TNIK: variants seen among roughly 807,000 people sequenced by gnomAD.
TNIK encodes the protein TRAF2 and NCK interacting kinase.
A neutral mutation model predicts 191.3 loss-of-function variants in TNIK; 49 were observed. The ratio of observed to expected loss-of-function variants is 0.26; its 90% CI spans 0.20 to 0.32. The LOEUF is 0.32. TNIK is among the 10% of genes least tolerant of loss of function. The pLI is 1.00. For synonymous variants in TNIK, 594 were observed against 600.9 expected, an observed-to-expected ratio of 0.99 and a Z score of 0.17; for missense variants, 1,155 against 1,702.3, an observed-to-expected ratio of 0.68 and a Z score of 5.66.
intron 18 of TNIK, among the ~76,000 whole-genome samples, chr3:171,119,210 C>T (rs1005424757): frequency 2.0e-5 from 3 of 152,174 alleles, no homozygotes; most frequent in African/African-American, 7.2e-5. Flanking sequence ...CATCACTGGC[C>T]ATCAGAGAAA....
At chr3:171,330,805 A>G (rs1432593393) in intron 2 of TNIK, among the ~76,000 whole-genome samples, 2 of 152,058 alleles carry the variant, frequency 1.3e-5, no homozygotes, top group East Asian at 3.9e-4. Context: ...ATTGTAGCAA[A>G]CCAATTTGTC....
In TNIK at chr3:171,128,887, CAAAAAAAAA is replaced by C. The variant is rs59293515; in HGVS notation, c.1609-18_1609-10del. 8 of 1,245,184 alleles carry C rather than the reference CAAAAAAAAA, an allele frequency of 6.4e-6. No homozygotes were observed. Among genetic ancestry groups the C allele is most frequent in the South Asian group, 2.2e-5 (1 of 46,324 alleles). The allele number at this position is 1,245,184 out of a possible 1,614,324, so 77.1% of individuals were successfully genotyped here. On this transcript the variant is annotated splice_polypyrimidine_tract_variant and intron_variant, in intron 15 of 32. Coordinates refer to ENST00000436636, the MANE Select transcript of TNIK (RefSeq NM_015028.4). ...CTTGACCGTTCTTCTACCTACAACC[CAAAAAAAAA>C]AAAAAAAAAAAGACAGCCTCAATGT...
chr3:171,220,844 G>T (rs188154099), intron 3 of TNIK, among the ~76,000 whole-genome samples: 61 of 152,228 alleles, frequency 4.0e-4, no homozygotes, highest in Non-Finnish European at 7.4e-4. Context: ...TAGTTTGGAG[G>T]TATAGACAGT....
intron 1 of TNIK, 94 bp downstream of exon 1, chr3:171,459,913 T>TGCCCCC: frequency 1.5e-6 from 2 of 1,311,250 alleles, no homozygotes; most frequent in Non-Finnish European, 1.1e-6. Context: ...CCCGCTGCTG[T>TGCCCCC]CCCCCTGCCC....
intron 2 of TNIK, among the ~76,000 whole-genome samples, chr3:171,258,853 C>T (rs61792444): frequency 0.23 from 34,933 of 151,914 alleles, 4,289 homozygotes; most frequent in East Asian, 0.33. Flanking sequence ...CATTATAATC[C>T]CAGTAACCAA....
At chr3:171,263,390 C>G (rs1577288063) in intron 2 of TNIK, among the ~76,000 whole-genome samples, 1 of 152,102 alleles carries the variant, frequency 6.6e-6, no homozygotes, top group Admixed American at 6.5e-5. Context: ...TAAGGAAGGG[C>G]ATTAGGAGAA....
At chr3:171,405,737 A>G (rs1233989038) in intron 1 of TNIK, among the ~76,000 whole-genome samples, 1 of 152,208 alleles carries the variant, frequency 6.6e-6, no homozygotes, top group East Asian at 1.9e-4. Flanking sequence ...TCTATTTTCA[A>G]CCAAGTTTAA....
At chr3:171,373,034 C>T (rs1007518972) in intron 1 of TNIK, among the ~76,000 whole-genome samples, 7 of 152,144 alleles carry the variant, frequency 4.6e-5, no homozygotes, top group African/African-American at 9.7e-5. Flanking sequence ...CCAATCCAAG[C>T]GCCTGGAGAG....
intron 2 of TNIK, among the ~76,000 whole-genome samples, chr3:171,343,121 CA>C (rs1219472553): frequency 7.0e-6 from 1 of 141,846 alleles, no homozygotes; most frequent in Non-Finnish European, 1.6e-5. Flanking sequence ...TGGACTAATA[CA>C]ACCCTCAAGG....
intron 1 of TNIK, among the ~76,000 whole-genome samples, chr3:171,450,362 A>G (rs1470795267): frequency 6.6e-6 from 1 of 152,244 alleles, no homozygotes; most frequent in Non-Finnish European, 1.5e-5. Flanking sequence ...GCAACTTTAT[A>G]ACCATCTTTG....
intron 2 of TNIK, among the ~76,000 whole-genome samples, chr3:171,365,048 T>C (rs1438597036): frequency 6.6e-6 from 1 of 150,972 alleles, no homozygotes; most frequent in African/African-American, 2.4e-5. Context: ...TAAGAATGAA[T>C]CAAGCAACTG....
At chr3:171,391,560 A>T (rs913175694) in intron 1 of TNIK, among the ~76,000 whole-genome samples, 1 of 152,194 alleles carries the variant, frequency 6.6e-6, no homozygotes, top group African/African-American at 2.4e-5. Flanking sequence ...CCATATACTT[A>T]TCTTCACATA....
At chr3:171,126,855 G>T (rs539800832) in intron 16 of TNIK, among the ~76,000 whole-genome samples, 1 of 152,366 alleles carries the variant, frequency 6.6e-6, no homozygotes, top group Admixed American at 6.5e-5. Flanking sequence ...AACTGGGCAT[G>T]TGGTGATACT....
At chr3:171,217,331 A>AG (rs1741567727) in intron 3 of TNIK, among the ~76,000 whole-genome samples, 1 of 152,288 alleles carries the variant, frequency 6.6e-6, no homozygotes, top group Non-Finnish European at 1.5e-5. Context: ...CTCACTTATG[A>AG]ATGGGTGCTA....
At chr3:171,431,945 G>A (rs1725437840) in intron 1 of TNIK, among the ~76,000 whole-genome samples, 1 of 152,184 alleles carries the variant, frequency 6.6e-6, no homozygotes, top group Non-Finnish European at 1.5e-5. Flanking sequence ...GTGTGACACT[G>A]GGAAATGATT....
intron 1 of TNIK, among the ~76,000 whole-genome samples, chr3:171,389,406 G>A (rs865928724): frequency 5.3e-5 from 8 of 151,996 alleles, no homozygotes; most frequent in South Asian, 2.1e-4. Flanking sequence ...AATATTTTCC[G>A]AGTGCCTGCT....
chr3:171,301,515 A>C (rs1399811263), intron 2 of TNIK, among the ~76,000 whole-genome samples: 4 of 152,134 alleles, frequency 2.6e-5, no homozygotes, highest in Non-Finnish European at 5.9e-5. Flanking sequence ...GGGTTTCACC[A>C]TATTGACCAG....
intron 12 of TNIK, among the ~76,000 whole-genome samples, chr3:171,144,076 A>C (rs1177321639): frequency 9.2e-5 from 14 of 152,258 alleles, no homozygotes; most frequent in Non-Finnish European, 1.9e-4. Context: ...TGGTCCTGCT[A>C]TCAGAAAAGA....
In TNIK at chr3:171,159,784, A is replaced by T. The variant is rs952875751; in HGVS notation, c.1016+1486T>A. The stretch of plus-strand genomic sequence containing the variant: ...GTCCTTTTCTATTTTTCAGGATTTC[A>T]TGAAGATTAATTAGATACGTCCATA... On this transcript the variant is annotated intron_variant, in intron 11 of 32. Transcript: ENST00000436636. The surrounding 1 kb of genome is among the most constrained non-coding windows in gnomAD (Gnocchi z 4.1). Among the ~76,000 whole-genome samples, 2 of 152,238 alleles carry T rather than the reference A, an allele frequency of 1.3e-5. No individual in the cohort carries two copies. Among genetic ancestry groups the T allele is most frequent in the African/African-American group, 2.4e-5 (1 of 41,470 alleles).
Sources: allele counts gnomAD v4.1 joint callset (sites outside exome capture counted in the v4.1 genomes callset), GRCh38; gene constraint gnomAD v4.1.1; non-coding constraint Gnocchi (gnomAD v3.1); transcripts MANE v1.5; gene names NCBI Gene and HGNC (gene_info 2026-07-23, HGNC 2026-07-21).